Variants in PIK3C2G observed in about 807,000 individuals in gnomAD.
PIK3C2G encodes the protein phosphatidylinositol-4-phosphate 3-kinase catalytic subunit type 2 gamma.
In PIK3C2G, 168 loss-of-function variants were observed where a neutral mutation model predicts 181.1. The ratio of observed to expected loss-of-function variants is 0.93; its 90% CI spans 0.82 to 1.05. PIK3C2G has a LOEUF of 1.05. PIK3C2G is among the 50% of genes least tolerant of loss of function. The probability of loss-of-function intolerance (pLI) is 0.00; values close to 1 mark genes in which losing one functional copy is unlikely to be tolerated. For synonymous variants in PIK3C2G, 573 were observed against 592.2 expected, an observed-to-expected ratio of 0.97 and a Z score of 0.47; for missense variants, 1,869 against 1,732.8, an observed-to-expected ratio of 1.08 and a Z score of -1.40.
At chr12:18,301,807 A>G (rs1950187538) in intron 5 of PIK3C2G, among the ~76,000 whole-genome samples, 1 of 152,178 alleles carries the variant, frequency 6.6e-6, no homozygotes, top group African/African-American at 2.4e-5. Flanking sequence ...TACACAAAAT[A>G]TATATGCTAT....
chr12:18,352,977 G>A (rs1037747285), intron 11 of PIK3C2G, among the ~76,000 whole-genome samples: 1 of 152,176 alleles, frequency 6.6e-6, no homozygotes, highest in East Asian at 1.9e-4. Context: ...GTATAGGATG[G>A]TGGGTGGGAC....
chr12:18,701,297 T>G, the PIK3C2G span, among the ~76,000 whole-genome samples: 3 of 152,038 alleles, frequency 2.0e-5, no homozygotes, highest in East Asian at 5.8e-4. Context: ...GAGAAAAAAA[T>G]GTTTAAGCAG....
intron 18 of PIK3C2G, among the ~76,000 whole-genome samples, chr12:18,453,364 AG>A (rs1947467791): frequency 6.6e-6 from 1 of 152,178 alleles, no homozygotes; most frequent in Non-Finnish European, 1.5e-5. Flanking sequence ...ATCAGAGACT[AG>A]GATTGCAACT....
the PIK3C2G span, among the ~76,000 whole-genome samples, chr12:18,712,448 A>G: frequency 6.6e-6 from 1 of 152,208 alleles, no homozygotes; most frequent in Non-Finnish European, 1.5e-5. Flanking sequence ...AATGTCAGCA[A>G]TTGAAATGAT....
At chr12:18,536,324 T>C (rs932504434) in intron 24 of PIK3C2G, among the ~76,000 whole-genome samples, 1 of 152,142 alleles carries the variant, frequency 6.6e-6, no homozygotes, top group African/African-American at 2.4e-5. Flanking sequence ...GAGTGCTTAC[T>C]ACATGCTAGG....
At chr12:18,583,594 A>C (rs1946615559) in intron 29 of PIK3C2G, among the ~76,000 whole-genome samples, 1 of 152,136 alleles carries the variant, frequency 6.6e-6, no homozygotes, top group South Asian at 2.1e-4. Flanking sequence ...GACCCCCAGC[A>C]CAGAGCACCC....
intron 1 of PIK3C2G, 72 bp downstream of exon 1, chr12:18,261,649 T>G (rs1220924979): frequency 6.6e-6 from 1 of 152,206 alleles, no homozygotes; most frequent in Non-Finnish European, 1.5e-5. Context: ...AATATATTAT[T>G]GAGGCAAAAT....
intron 16 of PIK3C2G, among the ~76,000 whole-genome samples, chr12:18,401,181 A>C (rs1313179061): frequency 6.6e-6 from 1 of 152,118 alleles, no homozygotes; most frequent in African/African-American, 2.4e-5. Context: ...TATTGAACCA[A>C]TCACTTTCTA....
At chr12:18,587,748 C>CAAACAAAACA (rs147292830) in intron 29 of PIK3C2G, among the ~76,000 whole-genome samples, 4 of 150,916 alleles carry the variant, frequency 2.7e-5, no homozygotes, top group Non-Finnish European at 4.4e-5. Context: ...CAATAACAAC[C>CAAACAAAACA]AAACAAAACA....
chr12:18,255,171 G>A (rs1465869513), intron 1 of PIK3C2G, among the ~76,000 whole-genome samples: 3 of 150,932 alleles, frequency 2.0e-5, no homozygotes, highest in Non-Finnish European at 2.9e-5. Flanking sequence ...AGCTGAGATC[G>A]CACCGTTGCA....
the PIK3C2G span, among the ~76,000 whole-genome samples, chr12:18,669,540 G>T: frequency 6.6e-6 from 1 of 152,156 alleles, no homozygotes; most frequent in Admixed American, 6.5e-5. Context: ...AGTTCTGGAG[G>T]CTGGAAAGTC....
intron 28 of PIK3C2G, among the ~76,000 whole-genome samples, chr12:18,564,819 T>C (rs1945535903): frequency 6.6e-6 from 1 of 152,228 alleles, no homozygotes; most frequent in Non-Finnish European, 1.5e-5. Context: ...TACTAATTAA[T>C]AATTGAGAAG....
At chr12:18,328,908 A>T (rs1219062364) in intron 8 of PIK3C2G, among the ~76,000 whole-genome samples, 1 of 151,962 alleles carries the variant, frequency 6.6e-6, no homozygotes, top group East Asian at 1.9e-4. Flanking sequence ...GAGCAAAAAA[A>T]GTGTAAGAAA....
At chr12:18,650,426 G>A (rs1950396615), downstream of PIK3C2G, among the ~76,000 whole-genome samples, 1 of 141,724 alleles carries the variant, frequency 7.1e-6, no homozygotes. Flanking sequence ...GAATTACATA[G>A]GAATTTTTTT....
At chr12:18,685,508 G>A in the PIK3C2G span, 10 of 238,040 alleles carry the variant, frequency 4.2e-5, no homozygotes, top group Admixed American at 2.9e-4. Flanking sequence ...AAGCACTGAT[G>A]AATTTCTAAT....
chr12:18,595,566 G>A (rs886621255), intron 30 of PIK3C2G, among the ~76,000 whole-genome samples: 1 of 152,040 alleles, frequency 6.6e-6, no homozygotes, highest in Non-Finnish European at 1.5e-5. Flanking sequence ...ACATGCCTTG[G>A]GAGAACAATT....
At chr12:18,609,651 A>G in intron 31 of PIK3C2G, 22 bp downstream of exon 31, 1 of 1,390,006 alleles carries the variant, frequency 7.2e-7, no homozygotes, top group Middle Eastern at 1.8e-4. Context: ...ATGTATAATA[A>G]GAAACATGTA....
intron 31 of PIK3C2G, among the ~76,000 whole-genome samples, chr12:18,635,479 G>A (rs1241631658): frequency 1.3e-5 from 2 of 152,144 alleles, no homozygotes; most frequent in Admixed American, 6.5e-5. Context: ...CGGGGCACAC[G>A]GCGACATGGT....
chr12:18,686,944 G>A, the PIK3C2G span, among the ~76,000 whole-genome samples: 1 of 151,940 alleles, frequency 6.6e-6, no homozygotes, highest in African/African-American at 2.4e-5. Context: ...GTATTATAAG[G>A]GGTGCATTGA....
Sources: allele counts gnomAD v4.1 joint callset (sites outside exome capture counted in the v4.1 genomes callset), GRCh38; gene constraint gnomAD v4.1.1; transcripts MANE v1.5; gene names NCBI Gene and HGNC (gene_info 2026-07-23, HGNC 2026-07-21).